The following FAM20B variants were observed in gnomAD, a reference collection of about 807,000 sequenced individuals.
FAM20B encodes glycosaminoglycan xylosylkinase.
FAM20B carries 23 observed loss-of-function variants against 43.8 expected under a neutral mutation model. The ratio of observed to expected loss-of-function variants is 0.53; its 90% CI spans 0.38 to 0.74. The LOEUF is 0.74. FAM20B is among the 30% of genes least tolerant of loss of function. The probability of loss-of-function intolerance (pLI) is 0.00; values close to 1 mark genes in which losing one functional copy is unlikely to be tolerated. For synonymous variants in FAM20B, 178 were observed against 192.4 expected (o/e 0.93, Z 0.62); for missense variants, 440 against 510.5 (o/e 0.86, Z 1.33).
chr1:179,061,439 C>G (rs1651461339), intron 4 of FAM20B, among the ~76,000 whole-genome samples: 1 of 143,988 alleles, frequency 6.9e-6, no homozygotes, highest in African/African-American at 2.6e-5. Flanking sequence ...GAGTCTCACC[C>G]TGTCACCCAG....
chr1:179,025,115 G>A (rs1572521390), upstream of FAM20B, among the ~76,000 whole-genome samples: 1 of 152,196 alleles, frequency 6.6e-6, no homozygotes, highest in Non-Finnish European at 1.5e-5. Context: ...TGGCGGCTCT[G>A]TATAAGTCAG....
intron 1 of FAM20B, among the ~76,000 whole-genome samples, chr1:179,034,238 G>A (rs1308044619): frequency 6.6e-6 from 1 of 152,190 alleles, no homozygotes; most frequent in Non-Finnish European, 1.5e-5. Flanking sequence ...TTACATGGTA[G>A]CTAGATCCCG....
chr1:179,049,318 A>C lies in FAM20B; in HGVS notation c.378-961A>C, dbSNP rs1027654083. On this transcript the variant is annotated intron_variant, in intron 2 of 7. Coordinates refer to ENST00000263733, the MANE Select transcript of FAM20B (RefSeq NM_014864.4). ...GAAGAGAAAGGTTTTGCTCAAGCTT[A>C]CCCAGTCAAGTAATGACAGCCACAC... Among the ~76,000 whole-genome samples, 6 of 152,280 alleles carry C rather than the reference A, an allele frequency of 3.9e-5. No homozygotes were observed. The South Asian group carries it at 1.2e-3, about 32-fold the overall frequency.
At chr1:179,020,751 A>T in the FAM20B span, among the ~76,000 whole-genome samples, 1 of 152,118 alleles carries the variant, frequency 6.6e-6, no homozygotes, top group Admixed American at 6.5e-5. Flanking sequence ...ATTTTTGCAG[A>T]TGGGGGCAGG....
At chr1:179,023,643 TCTC>T (rs1327090683), upstream of FAM20B, among the ~76,000 whole-genome samples, 1 of 152,142 alleles carries the variant, frequency 6.6e-6, no homozygotes, top group Non-Finnish European at 1.5e-5. Flanking sequence ...AATGAACAAT[TCTC>T]CTGTCACGCA....
chr1:179,057,984 G>A (rs1024111236), intron 4 of FAM20B, among the ~76,000 whole-genome samples: 3 of 152,082 alleles, frequency 2.0e-5, no homozygotes, highest in African/African-American at 7.2e-5. Context: ...CATTTTTTGT[G>A]CTATAGATAC....
At chr1:179,029,573 G>A (rs1260756891) in intron 1 of FAM20B, among the ~76,000 whole-genome samples, 2 of 152,226 alleles carry the variant, frequency 1.3e-5, no homozygotes, top group East Asian at 1.9e-4. Flanking sequence ...ATGCAGAAGA[G>A]ACCTTGAGCT....
chr1:179,072,217 G>A lies in FAM20B; in HGVS notation c.*73G>A, dbSNP rs1257409275. The A allele has an allele frequency of 8.1e-7, 1 of 1,241,282 alleles. No individual in the cohort carries two copies. The highest frequency in any genetic ancestry group is 2.1e-5 in the Admixed American group (1 of 47,254). 76.9% of individuals were successfully genotyped at this position (1,241,282 alleles called of 1,614,324 possible). A position where few individuals can be genotyped will look rare whatever the true frequency, so the allele number is the denominator to read the frequency against. ...CAGCACAATCAATTCCAAATGGTAT[G>A]AGATGGATTGGAAGTGGCCAGCAGC... On this transcript the variant is annotated 3_prime_UTR_variant, in exon 8 of 8. Coordinates refer to ENST00000263733, the MANE Select transcript of FAM20B (RefSeq NM_014864.4).
At chr1:179,035,547 A>G in intron 1 of FAM20B, 1 of 650,176 alleles carries the variant, frequency 1.5e-6, no homozygotes, top group Non-Finnish European at 2.9e-6. Flanking sequence ...GAATTTCTTA[A>G]TGGCCTTGTC....
chr1:179,019,403 A>G, the FAM20B span, among the ~76,000 whole-genome samples: 1 of 151,532 alleles, frequency 6.6e-6, no homozygotes, highest in African/African-American at 2.4e-5. Flanking sequence ...TGGTTGGATG[A>G]CTGGTGGTCA....
intron 1 of FAM20B, among the ~76,000 whole-genome samples, chr1:179,026,824 C>T (rs1649810487): frequency 6.6e-6 from 1 of 152,220 alleles, no homozygotes; most frequent in South Asian, 2.1e-4. Context: ...GAGCTGCGTC[C>T]TTGATTGTGG....
chr1:179,064,527 AG>A, intron 6 of FAM20B, 31 bp downstream of exon 6: 1 of 1,568,414 alleles, frequency 6.4e-7, no homozygotes, highest in Non-Finnish European at 8.7e-7. Flanking sequence ...CTTGTCAGGG[AG>A]GGGTTTCTGT....
At position 179,064,436 on chromosome 1, in the gene FAM20B, A is replaced by G. The variant is rs200686180; in HGVS notation, c.878A>G (p.Tyr293Cys). 2.7e-5 allele frequency: 44 copies of G among 1,614,152 alleles called. No individual in the cohort carries two copies. The highest frequency in any genetic ancestry group is 4.0e-5 in the African/African-American group (3 of 75,048). Residue 293 changes from tyrosine (Y) to cysteine (C), a missense_variant, in exon 6 of 8, where the codon TAT becomes TGT. Coordinates refer to ENST00000263733, the MANE Select transcript of FAM20B (RefSeq NM_014864.4). Reference protein sequence around the residue: ...YLIGNADRHHYESFQDDEGAS... With the variant: ...YLIGNADRHHCESFQDDEGAS... ...ATTGGCAATGCTGACCGCCATCACT[A>G]TGAGAGCTTTCAAGATGATGAAGGC...
At position 179,063,982 on chromosome 1, in the gene FAM20B, TTGTGCTGA is replaced by T. The variant is rs1468169190; in HGVS notation, c.633_640del (p.Cys211TrpfsTer40). On this transcript the variant is annotated frameshift_variant, in exon 5 of 8. Coordinates refer to ENST00000263733, the MANE Select transcript of FAM20B (RefSeq NM_014864.4). LOFTEE classifies it high-confidence loss of function. Reference sequence around the variant, plus strand: ...ATTACTGCCGAGAAACAGAACCAGCTTGTGCTGATGGAGACATAATGGAGGGATCTGTC... The same window carrying T: ...ATTACTGCCGAGAAACAGAACCAGCTTGGAGACATAATGGAGGGATCTGTC... 1 of 1,613,996 alleles carries T rather than the reference TTGTGCTGA, an allele frequency of 6.2e-7. No homozygotes were observed. Among genetic ancestry groups the T allele is most frequent in the South Asian group, 1.1e-5 (1 of 91,056 alleles).
At chr1:179,037,251 G>T (rs1392714698) in intron 1 of FAM20B, among the ~76,000 whole-genome samples, 1 of 152,160 alleles carries the variant, frequency 6.6e-6, no homozygotes, top group Non-Finnish European at 1.5e-5. Context: ...GAAGTTGGTG[G>T]CTGTGGAAAT....
intron 4 of FAM20B, among the ~76,000 whole-genome samples, chr1:179,061,524 C>A (rs772270562): frequency 6.6e-6 from 1 of 152,148 alleles, no homozygotes; most frequent in Non-Finnish European, 1.5e-5. Context: ...CTACCTCAGC[C>A]TCCTGAGTAG....
chr1:179,035,220 C>T (rs1310674423), intron 1 of FAM20B: 6 of 443,716 alleles, frequency 1.4e-5, no homozygotes, highest in Admixed American at 3.2e-5. Flanking sequence ...GTTCCTCCAC[C>T]ATCAGCCAGA....
At chr1:179,030,241 G>C (rs1400983083) in intron 1 of FAM20B, among the ~76,000 whole-genome samples, 1 of 151,708 alleles carries the variant, frequency 6.6e-6, no homozygotes, top group African/African-American at 2.4e-5. Flanking sequence ...GTTTCTTATC[G>C]TTGGTGTAGA....
rs1652003795 is a variant in FAM20B at position 179,073,284 on chromosome 1, G to C, written c.*1140G>C. ...TGTGATTTGGGGCCATGGAAGATTG[G>C]AAACAAAGATTTTAAGCCTTCTTCT... On this transcript the variant is annotated 3_prime_UTR_variant, in exon 8 of 8. Transcript: ENST00000263733. 1 of 152,156 alleles carries C rather than the reference G, an allele frequency of 6.6e-6. No homozygotes were observed. Among genetic ancestry groups the C allele is most frequent in the Non-Finnish European group, 1.5e-5 (1 of 68,070 alleles). The allele number at this position is 152,156 out of a possible 1,614,324, so 9.4% of individuals were successfully genotyped here.
Sources: allele counts gnomAD v4.1 joint callset (sites outside exome capture counted in the v4.1 genomes callset), GRCh38; gene constraint gnomAD v4.1.1; transcripts MANE v1.5; gene names NCBI Gene and HGNC (gene_info 2026-07-23, HGNC 2026-07-21).